EXOC6B: variants seen among roughly 807,000 people sequenced by gnomAD.
The protein encoded by EXOC6B is SEC15 homolog B.
EXOC6B carries 54 observed loss-of-function variants against 113.5 expected under a neutral mutation model. The ratio of observed to expected loss-of-function variants is 0.48; its 90% CI spans 0.38 to 0.60. EXOC6B has a LOEUF of 0.60. EXOC6B is among the 20% of genes least tolerant of loss of function. The pLI is 0.00. For missense variants in EXOC6B, 797 were observed against 977.5 expected (o/e 0.82, Z 2.46); for synonymous variants, 357 against 339.0 (o/e 1.05, Z -0.58).
chr2:72,379,050 T>C (rs1408438572), intron 19 of EXOC6B, among the ~76,000 whole-genome samples: 1 of 152,208 alleles, frequency 6.6e-6, no homozygotes, highest in African/African-American at 2.4e-5. Flanking sequence ...TCTTATTTTC[T>C]TAATAAAAGG....
chr2:72,803,285 C>T (rs996822142), intron 1 of EXOC6B, among the ~76,000 whole-genome samples: 3 of 150,224 alleles, frequency 2.0e-5, no homozygotes, highest in African/African-American at 7.4e-5. Context: ...CTACCCAGGG[C>T]AACTCTCTGG....
intron 20 of EXOC6B, among the ~76,000 whole-genome samples, chr2:72,240,185 T>C (rs1047830471): frequency 1.3e-5 from 2 of 152,204 alleles, no homozygotes; most frequent in South Asian, 4.1e-4. Context: ...TCTTGCCTAA[T>C]TGTCCTACCT....
At chr2:72,744,508 C>T (rs1681564955) in intron 1 of EXOC6B, among the ~76,000 whole-genome samples, 1 of 152,116 alleles carries the variant, frequency 6.6e-6, no homozygotes, top group Non-Finnish European at 1.5e-5. Context: ...AACTTTTCCC[C>T]CTTTCAAAGG....
rs115112905 is a variant in EXOC6B at position 72,403,070 on chromosome 2, G to A, written c.1981-23200C>T. Among the ~76,000 whole-genome samples the A allele has an allele frequency of 5.5e-3, 835 of 152,292 alleles. 7 individuals are homozygous for A. The highest frequency in any genetic ancestry group is 0.019 in the African/African-American group (807 of 41,556). On this transcript the variant is annotated intron_variant, in intron 18 of 21. Transcript: ENST00000272427. ...TTGGGAGATTTCAAAATTTATACAG[G>A]CTTGCACTGAGCCCAGAGATTTACC...
intron 21 of EXOC6B, among the ~76,000 whole-genome samples, chr2:72,181,660 G>C (rs1305482594): frequency 6.6e-6 from 1 of 152,188 alleles, no homozygotes; most frequent in Non-Finnish European, 1.5e-5. Flanking sequence ...GCAGCCCGCT[G>C]GCTTTTGGCT....
intron 6 of EXOC6B, among the ~76,000 whole-genome samples, chr2:72,599,040 T>C (rs1670236846): frequency 6.6e-6 from 1 of 152,092 alleles, no homozygotes; most frequent in Non-Finnish European, 1.5e-5. Context: ...GCTTCCTAAC[T>C]CATTCTATTA....
At chr2:72,319,490 A>G (rs1408025054) in intron 20 of EXOC6B, among the ~76,000 whole-genome samples, 1 of 152,168 alleles carries the variant, frequency 6.6e-6, no homozygotes, top group Non-Finnish European at 1.5e-5. Flanking sequence ...TCCACCTATA[A>G]ACTCCCCAAA....
intron 20 of EXOC6B, among the ~76,000 whole-genome samples, chr2:72,253,173 A>G (rs1329089953): frequency 6.6e-6 from 1 of 152,220 alleles, no homozygotes; most frequent in East Asian, 1.9e-4. Flanking sequence ...CACAATGGCT[A>G]TTACTAGAAA....
intron 6 of EXOC6B, among the ~76,000 whole-genome samples, chr2:72,632,701 T>C (rs1312266771): frequency 1.3e-5 from 2 of 152,118 alleles, no homozygotes; most frequent in African/African-American, 4.8e-5. Flanking sequence ...TTTTTTATTT[T>C]TTTATTTTTT....
chr2:72,403,382 T>C (rs1259176165), intron 18 of EXOC6B, among the ~76,000 whole-genome samples: 1 of 152,132 alleles, frequency 6.6e-6, no homozygotes, highest in Non-Finnish European at 1.5e-5. Context: ...TACACAATAA[T>C]TTGTGCATAA....
At chr2:72,611,321 GCA>G (rs1671059909) in intron 6 of EXOC6B, among the ~76,000 whole-genome samples, 1 of 151,320 alleles carries the variant, frequency 6.6e-6, no homozygotes, top group Non-Finnish European at 1.5e-5. Context: ...TCGTGCCACT[GCA>G]CTCCAGTCCC....
At chr2:72,783,308 T>C (rs1338471920) in intron 1 of EXOC6B, among the ~76,000 whole-genome samples, 1 of 144,228 alleles carries the variant, frequency 6.9e-6, no homozygotes, top group South Asian at 2.2e-4. Flanking sequence ...TGGTCACTTC[T>C]TTTTCTTTTC....
At chr2:72,811,977 A>G (rs1451962885) in intron 1 of EXOC6B, among the ~76,000 whole-genome samples, 1 of 152,242 alleles carries the variant, frequency 6.6e-6, no homozygotes, top group African/African-American at 2.4e-5. Flanking sequence ...TTTCCTTCTA[A>G]GATCAGGAAA....
chr2:72,382,211 G>T (rs528269582), intron 18 of EXOC6B, among the ~76,000 whole-genome samples: 1 of 152,114 alleles, frequency 6.6e-6, no homozygotes, highest in African/African-American at 2.4e-5. Flanking sequence ...AGAAAAACAG[G>T]GTTCAACATA....
At chr2:72,373,847 G>A (rs561542842) in intron 19 of EXOC6B, among the ~76,000 whole-genome samples, 3 of 152,126 alleles carry the variant, frequency 2.0e-5, no homozygotes, top group African/African-American at 4.8e-5. Context: ...CTATGGAGAC[G>A]GTGTGGTGGC....
chr2:72,626,841 ATT>A lies in EXOC6B; in HGVS notation c.670-51175_670-51174del, dbSNP rs549287063. On this transcript the variant is annotated intron_variant, in intron 6 of 21. Coordinates refer to ENST00000272427, the MANE Select transcript of EXOC6B (RefSeq NM_015189.3). ...TTGTTTTTATATTGTTTTTTAATAT[ATT>A]TGTTAGCCACCTAATATATATTCAG... Among the ~76,000 whole-genome samples the A allele has an allele frequency of 1.3e-4, 20 of 152,220 alleles. No homozygotes were observed. The East Asian group carries it at 3.9e-3, about 29-fold the overall frequency.
At chr2:72,811,558 A>T (rs1238183467) in intron 1 of EXOC6B, among the ~76,000 whole-genome samples, 2 of 152,218 alleles carry the variant, frequency 1.3e-5, no homozygotes, top group Non-Finnish European at 2.9e-5. Context: ...GCTACTTCTC[A>T]ATTCATTTTA....
chr2:72,621,522 G>A (rs1243348514), intron 6 of EXOC6B, among the ~76,000 whole-genome samples: 1 of 152,028 alleles, frequency 6.6e-6, no homozygotes, highest in African/African-American at 2.4e-5. Flanking sequence ...ATTAGGGAGG[G>A]GGATGTGGGT....
At chr2:72,386,533 G>A (rs1359794121) in intron 18 of EXOC6B, among the ~76,000 whole-genome samples, 1 of 152,188 alleles carries the variant, frequency 6.6e-6, no homozygotes, top group Non-Finnish European at 1.5e-5. Context: ...ACTACCCTGT[G>A]CAGCCTCAAG....
Sources: allele counts gnomAD v4.1 joint callset (sites outside exome capture counted in the v4.1 genomes callset), GRCh38; gene constraint gnomAD v4.1.1; transcripts MANE v1.5; gene names NCBI Gene and HGNC (gene_info 2026-07-23, HGNC 2026-07-21).